The following ZHX1 variants were observed in gnomAD, a reference collection of about 807,000 sequenced individuals.
The protein encoded by ZHX1 is zinc fingers and homeoboxes protein 1.
ZHX1 carries 20 observed loss-of-function variants against 61.8 expected under a neutral mutation model. That is an observed-to-expected ratio of 0.32 (90% CI 0.23 to 0.47). The LOEUF is 0.47. Among genes scored for constraint, ZHX1 ranks in the 20% least tolerant of loss-of-function variants. The pLI is 1.00. For missense variants in ZHX1, 800 were observed against 1,034.8 expected (o/e 0.77, Z 3.11); for synonymous variants, 318 against 352.6 (o/e 0.90, Z 1.10).
intron 2 of ZHX1, among the ~76,000 whole-genome samples, chr8:123,258,394 C>G (rs1215802937): frequency 6.6e-6 from 1 of 152,102 alleles, no homozygotes; most frequent in East Asian, 1.9e-4. Context: ...ACCAAAGAAA[C>G]CCTTTATCTT....
chr8:123,266,782 TAAGTAA>T (rs1290449321), intron 2 of ZHX1, among the ~76,000 whole-genome samples: 2 of 152,150 alleles, frequency 1.3e-5, no homozygotes, highest in Admixed American at 6.5e-5. Context: ...ATGGTTAATA[TAAGTAA>T]GAGTATTTAA....
intron 2 of ZHX1, among the ~76,000 whole-genome samples, chr8:123,260,766 C>T (rs1282418658): frequency 1.3e-5 from 2 of 151,764 alleles, no homozygotes; most frequent in Non-Finnish European, 2.9e-5. Flanking sequence ...CCTGTAACCC[C>T]AGCACTTTGG....
intron 1 of ZHX1, among the ~76,000 whole-genome samples, chr8:123,271,292 A>T (rs1260665615): frequency 1.3e-5 from 2 of 152,336 alleles, no homozygotes; most frequent in East Asian, 3.9e-4. Flanking sequence ...ATTTAGTCTT[A>T]ACAGTAAATG....
intron 2 of ZHX1, among the ~76,000 whole-genome samples, chr8:123,264,422 G>A (rs73703788): frequency 0.027 from 4,103 of 152,206 alleles, 127 homozygotes; most frequent in African/African-American, 0.077. Flanking sequence ...ATTAAACAGA[G>A]CCACAACTGC....
chr8:123,267,716 T>C (rs1319841596), intron 1 of ZHX1, among the ~76,000 whole-genome samples: 3 of 152,122 alleles, frequency 2.0e-5, no homozygotes, highest in Admixed American at 2.0e-4. Flanking sequence ...AAAATGAGTA[T>C]ACCGGCCGGG....
In ZHX1 at chr8:123,254,241, G is replaced by T. The variant is rs1379007108; in HGVS notation, c.1706C>A (p.Pro569His). 2.5e-6 allele frequency: 4 copies of T among 1,614,098 alleles called. No homozygotes were observed. Among genetic ancestry groups the T allele is most frequent in the Non-Finnish European group, 1.7e-6 (2 of 1,180,010 alleles). ...TGCAGTTTTCTCTTTAAACTTTTGG[G>T]GAGTAAAGTCAGGAAAAGGATTCCA... ...QSWNPFPDFT[P>H]QKFKEKTAEQ... The change falls in exon 3 of 4, where the codon CCC becomes CAC. Residue 569 changes from proline to histidine, a missense_variant. Coordinates refer to ENST00000395571, the MANE Select transcript of ZHX1 (RefSeq NM_007222.5). This position sits in a 1 kb window ranked among gnomAD's most constrained non-coding sequence, Gnocchi z 4.1.
At chr8:123,273,251 T>C (rs147965452) in intron 1 of ZHX1, among the ~76,000 whole-genome samples, 4 of 152,288 alleles carry the variant, frequency 2.6e-5, no homozygotes, top group Non-Finnish European at 5.9e-5. Flanking sequence ...AAACAAAGAA[T>C]TGCCAAGTCC....
At chr8:123,275,019 C>G (rs181063448), upstream of ZHX1, among the ~76,000 whole-genome samples, 1 of 152,180 alleles carries the variant, frequency 6.6e-6, no homozygotes, top group South Asian at 2.1e-4. Context: ...CGCTCCTCCG[C>G]GGGCCGCAGC....
chr8:123,254,822 G>A lies in ZHX1; in HGVS notation c.1125C>T (p.Ser375=). 1 of 1,614,152 alleles carries A rather than the reference G, an allele frequency of 6.2e-7. No individual in the cohort carries two copies. Among genetic ancestry groups the A allele is most frequent in the Non-Finnish European group, 8.5e-7 (1 of 1,180,028 alleles). ...QTITVIPTHI[S]TGSNGLPSIL... ...TAGATGGTAAACCATTACTCCCTGT[G>A]GAAATGTGTGTAGGAATAACAGTTA... is the stretch of plus-strand genomic sequence containing the variant. Residue 375 remains serine, a synonymous_variant, in exon 3 of 4, where the codon TCC becomes TCT. Coordinates refer to ENST00000395571, the MANE Select transcript of ZHX1 (RefSeq NM_007222.5). The surrounding 1 kb of genome is among the most constrained non-coding windows in gnomAD (Gnocchi z 4.1).
At chr8:123,269,231 A>G (rs1421989312) in intron 1 of ZHX1, among the ~76,000 whole-genome samples, 1 of 152,208 alleles carries the variant, frequency 6.6e-6, no homozygotes, top group Non-Finnish European at 1.5e-5. Context: ...CTGGTAACCT[A>G]CTTCAATCCA....
chr8:123,269,739 G>A (rs1826582884), intron 1 of ZHX1, among the ~76,000 whole-genome samples: 1 of 152,148 alleles, frequency 6.6e-6, no homozygotes, highest in Non-Finnish European at 1.5e-5. Context: ...ATTGGAATAG[G>A]TAACACGTGT....
chr8:123,266,631 T>C (rs1159488267), intron 2 of ZHX1, among the ~76,000 whole-genome samples: 1 of 152,100 alleles, frequency 6.6e-6, no homozygotes, highest in Non-Finnish European at 1.5e-5. Context: ...CAAATATATA[T>C]ATATTTTTTA....
rs748958786 is a variant in ZHX1 at position 123,255,093 on chromosome 8, C to G, written c.854G>C (p.Ser285Thr). ...LIPKVLIPVN[S>T]IPTYNAALDN... Reference sequence around the variant, plus strand: ...CAATGCAGCATTGTAGGTGGGAATGCTATTAACAGGGATTAAGACTTTGGG... The same window carrying G: ...CAATGCAGCATTGTAGGTGGGAATGGTATTAACAGGGATTAAGACTTTGGG... The change falls in exon 3 of 4, where the codon AGC (serine) becomes ACC (threonine). Residue 285 changes from serine (S) to threonine (T), a missense_variant. Ser to Thr is a moderately conservative substitution (Grantham distance 58). Transcript: ENST00000395571. The G allele has an allele frequency of 2.5e-6, 4 of 1,614,154 alleles. No homozygotes were observed. Among genetic ancestry groups the G allele is most frequent in the Non-Finnish European group, 3.4e-6 (4 of 1,180,018 alleles).
At position 123,250,222 on chromosome 8, in the gene ZHX1, G is replaced by T; in HGVS notation, c.*102C>A. 1 of 453,260 alleles carries T rather than the reference G, an allele frequency of 2.2e-6. No homozygotes were observed. The highest frequency in any genetic ancestry group is 1.6e-5 in the South Asian group (1 of 63,930). 28.1% of individuals were successfully genotyped at this position (453,260 alleles called of 1,614,324 possible). A position where few individuals can be genotyped will look rare whatever the true frequency, so the allele number is the denominator to read the frequency against. On this transcript the variant is annotated 3_prime_UTR_variant, in exon 4 of 4. Transcript: ENST00000395571. Reference sequence around the variant, plus strand: ...TGGATCCTGCTTTTTGAGTGTGTATGCCCCAAAACGTTTTCAATGTCATCA... The same window carrying T: ...TGGATCCTGCTTTTTGAGTGTGTATTCCCCAAAACGTTTTCAATGTCATCA...
upstream of ZHX1, among the ~76,000 whole-genome samples, chr8:123,274,776 G>A (rs1011241643): frequency 2.0e-5 from 3 of 152,182 alleles, no homozygotes; most frequent in Non-Finnish European, 4.4e-5. Context: ...ACAGAAGGCA[G>A]CCCCGCCTTC....
intron 2 of ZHX1, among the ~76,000 whole-genome samples, chr8:123,258,378 C>T (rs1563811264): frequency 2.0e-5 from 3 of 152,228 alleles, no homozygotes; most frequent in African/African-American, 7.2e-5. Flanking sequence ...GTCTGCAGAA[C>T]TGTGAACCAA....
intron 2 of ZHX1, among the ~76,000 whole-genome samples, chr8:123,266,017 G>A (rs1826443208): frequency 6.6e-6 from 1 of 152,102 alleles, no homozygotes; most frequent in Non-Finnish European, 1.5e-5. Context: ...CCACAGATTT[G>A]CGGGAGTGAA....
intron 1 of ZHX1, among the ~76,000 whole-genome samples, chr8:123,270,715 G>C (rs1404584628): frequency 6.7e-6 from 1 of 149,222 alleles, no homozygotes; most frequent in Non-Finnish European, 1.5e-5. Flanking sequence ...GAGCACAGGA[G>C]TTTGAGGGTG....
chr8:123,262,327 C>A (rs2131208016), intron 2 of ZHX1, among the ~76,000 whole-genome samples: 1 of 152,214 alleles, frequency 6.6e-6, no homozygotes, highest in Admixed American at 6.5e-5. Context: ...TATGGAAAAA[C>A]TACCCATTTA....
Sources: allele counts gnomAD v4.1 joint callset (sites outside exome capture counted in the v4.1 genomes callset), GRCh38; gene constraint gnomAD v4.1.1; non-coding constraint Gnocchi (gnomAD v3.1); transcripts MANE v1.5; gene names NCBI Gene and HGNC (gene_info 2026-07-23, HGNC 2026-07-21).